Variants in NALF1 observed in about 807,000 individuals in gnomAD.
NALF1 encodes the protein NALCN channel auxiliary factor 1.
A neutral mutation model predicts 48.4 loss-of-function variants in NALF1; 3 were observed. The ratio of observed to expected loss-of-function variants is 0.06; its 90% CI spans 0.03 to 0.16. The LOEUF is 0.16. Among genes scored for constraint, NALF1 ranks in the 10% least tolerant of loss-of-function variants. The pLI is 1.00. For synonymous variants in NALF1, 262 were observed against 245.7 expected (o/e 1.07, Z -0.62); for missense variants, 526 against 571.5 (o/e 0.92, Z 0.81).
chr13:107,831,402 A>G (rs1445795667), intron 1 of NALF1, among the ~76,000 whole-genome samples: 3 of 152,216 alleles, frequency 2.0e-5, no homozygotes, highest in Admixed American at 6.5e-5. Flanking sequence ...GAAATAATAT[A>G]TTAAAATATA....
intron 1 of NALF1, among the ~76,000 whole-genome samples, chr13:107,622,359 T>G (rs1314663998): frequency 6.6e-6 from 1 of 151,568 alleles, no homozygotes. Context: ...GAGAATCGCT[T>G]GAACCTGGGA....
intron 1 of NALF1, among the ~76,000 whole-genome samples, chr13:107,767,605 T>C (rs1877450916): frequency 6.6e-6 from 1 of 152,220 alleles, no homozygotes; most frequent in Non-Finnish European, 1.5e-5. Context: ...AGGTTCCAAA[T>C]GTATCATGTG....
intron 1 of NALF1, among the ~76,000 whole-genome samples, chr13:107,499,863 C>A (rs1218015598): frequency 6.6e-6 from 1 of 151,984 alleles, no homozygotes; most frequent in Non-Finnish European, 1.5e-5. Flanking sequence ...TTATCTAGTA[C>A]AATTTTTATT....
chr13:107,260,657 G>A, intron 1 of NALF1, among the ~76,000 whole-genome samples: 1 of 152,298 alleles, frequency 6.6e-6, no homozygotes, highest in Non-Finnish European at 1.5e-5. Context: ...TCATGAAAAT[G>A]TTCCTTCTCT....
chr13:107,288,825 G>A (rs1254142506), intron 1 of NALF1, among the ~76,000 whole-genome samples: 4 of 152,014 alleles, frequency 2.6e-5, no homozygotes, highest in South Asian at 2.1e-4. Flanking sequence ...GAGCCACCGC[G>A]CCCAGCCCAG....
chr13:107,435,651 AT>A (rs1185129271), intron 1 of NALF1, among the ~76,000 whole-genome samples: 2 of 152,192 alleles, frequency 1.3e-5, no homozygotes, highest in Non-Finnish European at 2.9e-5. Context: ...AAACAGGCTG[AT>A]GGTACAGTGT....
intron 1 of NALF1, among the ~76,000 whole-genome samples, chr13:107,677,829 C>CACAAA (rs10638779): frequency 6.6e-6 from 1 of 151,632 alleles, no homozygotes; most frequent in Non-Finnish European, 1.5e-5. Context: ...TGAAAGCAAA[C>CACAAA]ACAAGCAAAC....
intron 1 of NALF1, among the ~76,000 whole-genome samples, chr13:107,844,554 A>C (rs909964643): frequency 3.9e-5 from 6 of 152,156 alleles, no homozygotes; most frequent in African/African-American, 1.4e-4. Context: ...CTTCACAGTT[A>C]ATCTTTTTAT....
chr13:107,654,558 C>T (rs1006759950), intron 1 of NALF1, among the ~76,000 whole-genome samples: 1 of 152,014 alleles, frequency 6.6e-6, no homozygotes, highest in African/African-American at 2.4e-5. Flanking sequence ...CAGCTGAGTT[C>T]TATCAGACAT....
At chr13:107,794,308 A>C (rs1216602744) in intron 1 of NALF1, among the ~76,000 whole-genome samples, 1 of 151,996 alleles carries the variant, frequency 6.6e-6, no homozygotes, top group Non-Finnish European at 1.5e-5. Flanking sequence ...AACCAGGGTT[A>C]TTTTCCTGTA....
chr13:107,390,877 T>TTTAA (rs143048814), intron 1 of NALF1, among the ~76,000 whole-genome samples: 1 of 147,222 alleles, frequency 6.8e-6, no homozygotes. Context: ...AGCCAGAAGG[T>TTTAA]TAATAATAAT....
At position 107,615,970 on chromosome 13, in the gene NALF1, T is replaced by C. The variant is rs192344622; in HGVS notation, c.915+249712A>G. Reference sequence around the variant, plus strand: ...CTGTAAAGTCCTAATCTGCTAAGAGTATAAACTGATGTCCTCCACACAGGA... The same window carrying C: ...CTGTAAAGTCCTAATCTGCTAAGAGCATAAACTGATGTCCTCCACACAGGA... On this transcript the variant is annotated intron_variant, in intron 1 of 2. Coordinates refer to ENST00000375915, the MANE Select transcript of NALF1 (RefSeq NM_001080396.3). Among the ~76,000 whole-genome samples, 10 of 152,258 alleles carry C rather than the reference T, an allele frequency of 6.6e-5. No homozygotes were observed. In the South Asian group the frequency reaches 1.2e-3, roughly 19 times the overall value.
chr13:107,735,934 T>C (rs1246817069), intron 1 of NALF1, among the ~76,000 whole-genome samples: 3 of 152,286 alleles, frequency 2.0e-5, no homozygotes, highest in Admixed American at 6.5e-5. Context: ...TTTTAGTAAC[T>C]TTTCTCTGCT....
At chr13:107,242,608 A>G (rs1188757036) in intron 1 of NALF1, among the ~76,000 whole-genome samples, 1 of 152,232 alleles carries the variant, frequency 6.6e-6, no homozygotes, top group Non-Finnish European at 1.5e-5. Context: ...ATTAACATTA[A>G]TTAACACAAT....
At chr13:107,330,085 G>A (rs916613797) in intron 1 of NALF1, among the ~76,000 whole-genome samples, 1 of 152,104 alleles carries the variant, frequency 6.6e-6, no homozygotes, top group Admixed American at 6.6e-5. Flanking sequence ...TGCCCAGGAT[G>A]GACCCTAGGC....
intron 1 of NALF1, among the ~76,000 whole-genome samples, chr13:107,233,443 T>C (rs1278511922): frequency 2.6e-5 from 4 of 152,216 alleles, no homozygotes; most frequent in Non-Finnish European, 5.9e-5. Flanking sequence ...ACTAGCCATT[T>C]AGTAGAATGT....
chr13:107,190,587 G>A (rs574950018), intron 2 of NALF1, among the ~76,000 whole-genome samples: 1 of 152,256 alleles, frequency 6.6e-6, no homozygotes, highest in East Asian at 1.9e-4. Context: ...AAACTTAAAT[G>A]AGTAATCCTC....
intron 1 of NALF1, among the ~76,000 whole-genome samples, chr13:107,538,830 T>C (rs947255769): frequency 2.3e-4 from 35 of 152,232 alleles, no homozygotes; most frequent in African/African-American, 8.4e-4. Flanking sequence ...TAGATAATAT[T>C]TATAAACGGT....
At chr13:107,203,585 A>G (rs930089236) in intron 2 of NALF1, among the ~76,000 whole-genome samples, 1 of 147,860 alleles carries the variant, frequency 6.8e-6, no homozygotes, top group African/African-American at 2.5e-5. Flanking sequence ...CAAAAAGGAC[A>G]GCCATCAGGT....
Sources: gnomAD v4.1 joint callset for allele counts (sites outside exome capture counted in the v4.1 genomes callset) on GRCh38, gnomAD v4.1.1 for gene constraint, MANE v1.5 for transcripts, NCBI Gene and HGNC (gene_info 2026-07-23, HGNC 2026-07-21) for gene names.